The following TOP2B variants were observed in gnomAD, a reference collection of about 807,000 sequenced individuals.
The protein encoded by TOP2B is DNA topoisomerase II beta.
A neutral mutation model predicts 193.5 loss-of-function variants in TOP2B; 51 were observed. The ratio of observed to expected loss-of-function variants is 0.26; its 90% CI spans 0.21 to 0.33. TOP2B has a LOEUF of 0.33. Among genes scored for constraint, TOP2B ranks in the 10% least tolerant of loss-of-function variants. TOP2B has a pLI of 1.00. For missense variants in TOP2B, 1,378 were observed against 1,909.3 expected (o/e 0.72, Z 5.19); for synonymous variants, 634 against 635.7 (o/e 1.00, Z 0.04).
rs1028961371 is a variant in TOP2B at position 25,634,788 on chromosome 3, A to ACAAAAC, written c.853-775_853-774insGTTTTG. Among the ~76,000 whole-genome samples the ACAAAAC allele has an allele frequency of 1.1e-3, 153 of 143,286 alleles. 2 individuals carry two copies. The highest frequency in any genetic ancestry group is 3.7e-3 in the African/African-American group (141 of 38,436). 94.0% of individuals were successfully genotyped at this position (143,286 alleles called of 152,430 possible). A position where few individuals can be genotyped will look rare whatever the true frequency, so the allele number is the denominator to read the frequency against. ...ATCTATCTCCCTTACCAAAAAAAAA[A>ACAAAAC]AAAAAAAAACCAAAAAAAGGCTTAT... On this transcript the variant is annotated intron_variant, in intron 7 of 35. Transcript: ENST00000264331.
At chr3:25,610,543 A>G (rs1702343810) in intron 28 of TOP2B, among the ~76,000 whole-genome samples, 1 of 152,200 alleles carries the variant, frequency 6.6e-6, no homozygotes, top group African/African-American at 2.4e-5. Flanking sequence ...ACAGGAATTA[A>G]ATGTTTAAAG....
rs149678640 is a variant in TOP2B, at chr3:25,616,125, T to G, written c.3352-539A>C. The stretch of plus-strand genomic sequence containing the variant: ...CTCAGAGAAAGTCCACTTAAGAATT[T>G]AAGAGTTGGTGAGTTAGAGTAAGAA... On this transcript the variant is annotated intron_variant, in intron 25 of 35. Transcript: ENST00000264331. 1.7e-3 allele frequency among the ~76,000 whole-genome samples: 261 copies of G among 152,120 alleles called. 5 individuals carry two copies. In the East Asian group the frequency reaches 0.042, roughly 24 times the overall value.
At chr3:25,627,850 ACTTAAGGCCGGGACTTCTAGACCACC>A (rs1702847233) in intron 15 of TOP2B, among the ~76,000 whole-genome samples, 1 of 150,900 alleles carries the variant, frequency 6.6e-6, no homozygotes, top group Non-Finnish European at 1.5e-5. Flanking sequence ...TGGGCGGATC[ACTTAAGGCCGGGACTTCTAGACCACC>A]CTGGCCAACA....
intron 33 of TOP2B, among the ~76,000 whole-genome samples, chr3:25,602,373 G>C (rs1181702997): frequency 7.2e-6 from 1 of 139,798 alleles, no homozygotes; most frequent in African/African-American, 2.8e-5. Context: ...CTCTAGCCTT[G>C]GTGACAGAGC....
intron 31 of TOP2B, 64 bp downstream of exon 31, chr3:25,607,105 CTA>C: frequency 1.9e-6 from 3 of 1,568,798 alleles, no homozygotes; most frequent in Non-Finnish European, 2.6e-6. Flanking sequence ...GAAGAGCTCA[CTA>C]TAATATCTTT....
chr3:25,604,490 C>G (rs1165464309), intron 33 of TOP2B, among the ~76,000 whole-genome samples: 3 of 152,138 alleles, frequency 2.0e-5, no homozygotes, highest in African/African-American at 7.2e-5. Flanking sequence ...TCCATTACAA[C>G]CTAACCACAA....
intron 2 of TOP2B, 104 bp downstream of exon 2, chr3:25,645,196 A>T (rs1703381668): frequency 1.8e-6 from 2 of 1,087,748 alleles, no homozygotes; most frequent in Non-Finnish European, 2.6e-6. Context: ...GACAGATGAA[A>T]TTACAAATTT....
chr3:25,629,187 T>C (rs746996055), intron 13 of TOP2B, 42 bp from the exon 14 acceptor site: 4 of 1,364,160 alleles, frequency 2.9e-6, no homozygotes, highest in African/African-American at 1.5e-5. Context: ...GTAATACTTT[T>C]ATAAAATGAT....
intron 21 of TOP2B, among the ~76,000 whole-genome samples, chr3:25,621,131 G>T (rs2125365838): frequency 6.6e-6 from 1 of 152,268 alleles, no homozygotes; most frequent in African/African-American, 2.4e-5. Context: ...TACATTGAAA[G>T]CATTTCATAG....
intron 35 of TOP2B, among the ~76,000 whole-genome samples, 181 bp from the exon 36 acceptor site, chr3:25,598,658 G>GAT (rs1052032457): frequency 3.9e-5 from 6 of 152,178 alleles, no homozygotes; most frequent in African/African-American, 1.2e-4. Context: ...GGAGGAAAAA[G>GAT]ATTACATACA....
At position 25,643,717 on chromosome 3, in the gene TOP2B, T is replaced by A; in HGVS notation, c.308A>T (p.Tyr103Phe). The change falls in exon 3 of 36, where the codon TAC (tyrosine) becomes TTC (phenylalanine). Residue 103 changes from tyrosine (Y) to phenylalanine (F), a missense_variant. Transcript: ENST00000264331. ...CREVTFVPGL[Y>F]KIFDEILVNA... Reference sequence around the variant, plus strand: ...ACCCAAAATTTCATCAAAGATCTTGTATAAACCTGGCACAAAGGTAACCTC... The same window carrying A: ...ACCCAAAATTTCATCAAAGATCTTGAATAAACCTGGCACAAAGGTAACCTC... 6.2e-7 allele frequency: 1 copy of A among 1,613,374 alleles called. No individual in the cohort carries two copies. Among genetic ancestry groups the A allele is most frequent in the Non-Finnish European group, 8.5e-7 (1 of 1,179,554 alleles).
intron 1 of TOP2B, among the ~76,000 whole-genome samples, chr3:25,654,746 G>A (rs539248712): frequency 6.6e-6 from 1 of 152,110 alleles, no homozygotes; most frequent in Admixed American, 6.5e-5. Flanking sequence ...ACAGAAGAGA[G>A]AGCACAGAAA....
At chr3:25,639,694 T>G (rs964347250) in intron 4 of TOP2B, among the ~76,000 whole-genome samples, 3 of 152,248 alleles carry the variant, frequency 2.0e-5, no homozygotes, top group Admixed American at 2.0e-4. Context: ...TTAAGCTCCC[T>G]TGTAAGAAGT....
Position 25,623,714 on chromosome 3 carries a change from T to G in TOP2B, c.2528A>C (p.Asp843Ala). 6.2e-7 allele frequency: 1 copy of G among 1,613,526 alleles called. No homozygotes were observed. Among genetic ancestry groups the G allele is most frequent in the Non-Finnish European group, 8.5e-7 (1 of 1,179,662 alleles). ...ATAAAGGAACTTAAGGAGGTTGTCATCCACAGCAGGAAAAAGTAGCCTTGC... is the reference window on the plus strand; with the variant it reads ...ATAAAGGAACTTAAGGAGGTTGTCAGCCACAGCAGGAAAAAGTAGCCTTGC... ...TLARLLFPAV[D>A]DNLLKFLYDD... is the part of the protein sequence containing the mutation. The change falls in exon 21 of 36, where the codon GAT becomes GCT. Residue 843 changes from aspartate (D) to alanine (A), a missense_variant. This residue lies in a region of TOP2B where 379 missense variants were observed against 615.1 expected (regional missense o/e 0.62). Transcript: ENST00000264331.
chr3:25,618,103 CA>C, intron 25 of TOP2B: 1 of 278,008 alleles, frequency 3.6e-6, no homozygotes. Flanking sequence ...ATGTACCTCA[CA>C]AAAACCACCA....
chr3:25,655,578 A>ACAC (rs573089913), intron 1 of TOP2B, among the ~76,000 whole-genome samples: 43 of 152,372 alleles, frequency 2.8e-4, no homozygotes, highest in Non-Finnish European at 5.3e-4. Flanking sequence ...AGATATTTGC[A>ACAC]CACCCATGTT....
In TOP2B at chr3:25,601,210, T is replaced by C; in HGVS notation, c.4505A>G (p.Asp1502Gly). 6.2e-7 allele frequency: 1 copy of C among 1,613,226 alleles called. No homozygotes were observed. The highest frequency in any genetic ancestry group is 8.5e-7 in the Non-Finnish European group (1 of 1,179,528). The change falls in exon 34 of 36, where the codon GAT (aspartate) becomes GGT (glycine). Residue 1502 changes from aspartate (D) to glycine (G), a missense_variant. Transcript: ENST00000264331. Reference sequence around the variant, plus strand: ...GGCTCTCTTGGGCTTAGGGACTGTATCTGAAGACGGTTTTCCTAGTAAGCA... The same window carrying C: ...GGCTCTCTTGGGCTTAGGGACTGTACCTGAAGACGGTTTTCCTAGTAAGCA... ...VAAKKGKPSS[D>G]TVPKPKRAPK... is the part of the protein sequence containing the mutation.
downstream of TOP2B, chr3:25,597,977 C>G (rs1355553385): frequency 6.0e-6 from 1 of 165,660 alleles, no homozygotes; most frequent in Non-Finnish European, 1.3e-5. Flanking sequence ...AGTAAAGAGA[C>G]AGAGAACACA....
intron 2 of TOP2B, among the ~76,000 whole-genome samples, chr3:25,644,887 C>T (rs1230127892): frequency 6.6e-6 from 1 of 151,820 alleles, no homozygotes; most frequent in African/African-American, 2.4e-5. Flanking sequence ...CTCCGCCTCC[C>T]AGGTTCACTG....
Sources: allele counts gnomAD v4.1 joint callset (sites outside exome capture counted in the v4.1 genomes callset), GRCh38; gene constraint gnomAD v4.1.1; regional missense constraint gnomAD v4.1.1; transcripts MANE v1.5; gene names NCBI Gene and HGNC (gene_info 2026-07-23, HGNC 2026-07-21).